Variants in ZNF385D observed in about 807,000 individuals in gnomAD.
ZNF385D encodes zinc finger protein 659.
ZNF385D carries 15 observed loss-of-function variants against 35.8 expected under a neutral mutation model. That is an observed-to-expected ratio of 0.42 (90% CI 0.28 to 0.64). The LOEUF (loss-of-function observed/expected upper bound fraction) is 0.64. Ranked by LOEUF, ZNF385D falls within the 30% of genes least tolerant of loss-of-function variation. ZNF385D has a pLI of 0.23. For missense variants in ZNF385D, 474 were observed against 494.6 expected, an observed-to-expected ratio of 0.96 and a Z score of 0.39; for synonymous variants, 212 against 186.8, an observed-to-expected ratio of 1.13 and a Z score of -1.10.
intron 3 of ZNF385D, among the ~76,000 whole-genome samples, chr3:21,773,039 T>A (rs2071140405): frequency 6.6e-6 from 1 of 151,814 alleles, no homozygotes; most frequent in South Asian, 2.1e-4. Flanking sequence ...TGGTGGTTGC[T>A]GGAGATGGGG....
chr3:22,267,165 G>A (rs114051510), intron 2 of ZNF385D, among the ~76,000 whole-genome samples: 222 of 151,980 alleles, frequency 1.5e-3, no homozygotes, highest in African/African-American at 4.7e-3. Flanking sequence ...AGTTCAACTT[G>A]CATCAAACAT....
intron 3 of ZNF385D, among the ~76,000 whole-genome samples, chr3:21,531,200 A>G (rs2061914198): frequency 6.6e-6 from 1 of 152,218 alleles, no homozygotes; most frequent in South Asian, 2.1e-4. Context: ...AATTAAAACA[A>G]TGAGATATTA....
At chr3:21,760,139 T>C (rs980189113) in intron 3 of ZNF385D, among the ~76,000 whole-genome samples, 5 of 152,308 alleles carry the variant, frequency 3.3e-5, no homozygotes, top group Admixed American at 6.5e-5. Context: ...TCAAACATAC[T>C]AATAATCCTA....
rs139631342 is a variant in ZNF385D at position 21,814,267 on chromosome 3, G to A, written c.326-149239C>T. On this transcript the variant is annotated intron_variant, in intron 3 of 5. Transcript: ENST00000494108. Reference sequence around the variant, plus strand: ...AATATGCCAAATTGTAAAGACCATCGATGTTAGGAAGAAACTGCATCAACT... The same window carrying A: ...AATATGCCAAATTGTAAAGACCATCAATGTTAGGAAGAAACTGCATCAACT... 4.1e-4 allele frequency among the ~76,000 whole-genome samples: 63 copies of A among 152,226 alleles called. No homozygotes were observed. The East Asian group carries it at 4.8e-3, about 12-fold the overall frequency.
At chr3:22,024,767 C>G (rs1697435035) in intron 3 of ZNF385D, among the ~76,000 whole-genome samples, 1 of 151,956 alleles carries the variant, frequency 6.6e-6, no homozygotes, top group African/African-American at 2.4e-5. Context: ...CTGTGGAGAA[C>G]CAAGGAACGT....
chr3:21,472,132 A>G (rs1187353843), intron 4 of ZNF385D, among the ~76,000 whole-genome samples: 6 of 152,184 alleles, frequency 3.9e-5, no homozygotes, highest in Admixed American at 6.6e-5. Context: ...ATCATTTCTT[A>G]CATTTATCAT....
Position 22,311,212 on chromosome 3 carries a change from T to C in ZNF385D, c.106+61238A>G, listed in dbSNP as rs560817107. Among the ~76,000 whole-genome samples, 4 of 152,114 alleles carry C rather than the reference T, an allele frequency of 2.6e-5. No individual in the cohort carries two copies. The South Asian group carries it at 8.3e-4, about 31-fold the overall frequency. On this transcript the variant is annotated intron_variant, in intron 2 of 5. Coordinates refer to the ZNF385D transcript ENST00000494108. ...AGTCTTTACTATATCCAGATATAAA[T>C]TATTACATGAATGCTAATACTTTTA...
At chr3:21,638,775 C>T (rs556428578) in intron 2 of ZNF385D, among the ~76,000 whole-genome samples, 15 of 152,188 alleles carry the variant, frequency 9.9e-5, no homozygotes, top group Non-Finnish European at 2.1e-4. Flanking sequence ...CCTTTATCTA[C>T]ATCTTGTAAT....
chr3:21,581,230 T>A (rs576939470), intron 2 of ZNF385D, among the ~76,000 whole-genome samples: 2 of 152,302 alleles, frequency 1.3e-5, no homozygotes, highest in South Asian at 4.1e-4. Context: ...TATTTTATTG[T>A]CTCCTTTTCT....
intron 3 of ZNF385D, among the ~76,000 whole-genome samples, chr3:22,067,937 C>A (rs536576041): frequency 6.6e-6 from 1 of 151,664 alleles, no homozygotes; most frequent in Non-Finnish European, 1.5e-5. Flanking sequence ...TGCTTGAACC[C>A]GGGAGGCAGA....
rs1198937201 is a variant in ZNF385D at position 21,574,944 on chromosome 3, G to A, written c.166-10260C>T. 4.0e-5 allele frequency among the ~76,000 whole-genome samples: 6 copies of A among 151,786 alleles called. No individual in the cohort carries two copies. The East Asian group carries it at 1.2e-3, about 29-fold the overall frequency. On this transcript the variant is annotated intron_variant, in intron 2 of 7. Coordinates refer to ENST00000281523, the MANE Select transcript of ZNF385D (RefSeq NM_024697.3). ...TTTTCTTTTGGAGATCTAGGGATAGGACTAGGTAAGTGGCTAAAGAGGACT... is the reference window on the plus strand; with the variant it reads ...TTTTCTTTTGGAGATCTAGGGATAGAACTAGGTAAGTGGCTAAAGAGGACT...
At chr3:21,494,222 A>C (rs1011626435) in intron 4 of ZNF385D, among the ~76,000 whole-genome samples, 1 of 152,172 alleles carries the variant, frequency 6.6e-6, no homozygotes, top group African/African-American at 2.4e-5. Context: ...AACCGAGAAA[A>C]AGACTTGGTC....
At chr3:21,843,233 A>C (rs776171910) in intron 3 of ZNF385D, among the ~76,000 whole-genome samples, 52 of 152,110 alleles carry the variant, frequency 3.4e-4, no homozygotes, top group Non-Finnish European at 6.8e-4. Context: ...GGGTTGGGGA[A>C]AAAGGTTTAA....
At chr3:21,957,067 C>T (rs780176389) in intron 3 of ZNF385D, 8 of 155,662 alleles carry the variant, frequency 5.1e-5, no homozygotes, top group Non-Finnish European at 9.8e-5. Flanking sequence ...GTAAGTCTCA[C>T]GAGATCTGAT....
At chr3:22,005,302 A>G (rs1342039093) in intron 3 of ZNF385D, among the ~76,000 whole-genome samples, 1 of 151,948 alleles carries the variant, frequency 6.6e-6, no homozygotes, top group Non-Finnish European at 1.5e-5. Flanking sequence ...TCTGAAAAGG[A>G]TGTAGATTAA....
At chr3:21,746,750 T>C (rs1371275701) in intron 1 of ZNF385D, among the ~76,000 whole-genome samples, 1 of 152,172 alleles carries the variant, frequency 6.6e-6, no homozygotes, top group Non-Finnish European at 1.5e-5. Context: ...ACAAACTAAT[T>C]AGAAGGAGTT....
chr3:22,253,127 A>C lies in ZNF385D; in HGVS notation c.107-84092T>G, dbSNP rs528531686. The stretch of plus-strand genomic sequence containing the variant: ...GGTCTCCCACACTGAGGGAATGGAT[A>C]GACTGTGGTGACAATAACTGAGATA... On this transcript the variant is annotated intron_variant, in intron 2 of 5. Coordinates refer to the ZNF385D transcript ENST00000494108. Among the ~76,000 whole-genome samples the C allele has an allele frequency of 2.6e-5, 4 of 152,160 alleles. No individual in the cohort carries two copies. The East Asian group carries it at 7.7e-4, about 29-fold the overall frequency.
At chr3:21,667,564 C>A (rs1224866894) in intron 1 of ZNF385D, among the ~76,000 whole-genome samples, 2 of 152,200 alleles carry the variant, frequency 1.3e-5, no homozygotes, top group African/African-American at 4.8e-5. Flanking sequence ...TAAGGGTTAA[C>A]AACATAACAT....
rs1207525602 is a variant in ZNF385D at position 21,419,240 on chromosome 3, T to G, written c.*1974A>C. 5.2e-5 allele frequency: 8 copies of G among 152,912 alleles called. No individual in the cohort carries two copies. The Admixed American group carries it at 5.3e-4, about 10-fold the overall frequency. 9.5% of individuals were successfully genotyped at this position (152,912 alleles called of 1,614,324 possible). On this transcript the variant is annotated 3_prime_UTR_variant, in exon 8 of 8. Coordinates refer to ENST00000281523, the MANE Select transcript of ZNF385D (RefSeq NM_024697.3). ...TTCCTTCCTTCCTTCCTTCTTTCCT[T>G]CTTTTTTTTTGTTTTTGTTTTGGTT...
Sources: allele counts gnomAD v4.1 joint callset (sites outside exome capture counted in the v4.1 genomes callset), GRCh38; gene constraint gnomAD v4.1.1; transcripts MANE v1.5; gene names NCBI Gene and HGNC (gene_info 2026-07-23, HGNC 2026-07-21).